FANCD2: variants seen among roughly 807,000 people sequenced by gnomAD.
FANCD2 encodes Fanconi anemia group D2 protein.
Under a neutral mutation model 192.3 loss-of-function variants are expected in FANCD2, and 131 were observed. The observed-to-expected ratio is 0.68, with a 90% CI of 0.59 to 0.79. FANCD2 has a LOEUF of 0.79. FANCD2 is among the 30% of genes least tolerant of loss of function. The pLI, the probability that FANCD2 is intolerant of heterozygous loss-of-function variation, is 0.00. For missense variants in FANCD2, 1,508 were observed against 1,701.6 expected (o/e 0.89, Z 2.00); for synonymous variants, 524 against 612.5 (o/e 0.86, Z 2.13).
chr3:10,065,490 A>G lies in FANCD2; in HGVS notation c.2265A>G (p.Leu755=), dbSNP rs376828609. Residue 755 remains leucine (L), a synonymous_variant, in exon 24 of 44, where the codon CTA becomes CTG. Coordinates refer to ENST00000675286, the MANE Select transcript of FANCD2 (RefSeq NM_001018115.3). ...HNGNLEEIDG[L]LDCPIFLTDL... is the part of the protein sequence containing the mutation. ...GAAACTTGGAGGAGATTGATGGTCT[A>G]CTAGGTATGGGATGAAGTCATCAGA... is the stretch of plus-strand genomic sequence containing the variant. 1.8e-5 allele frequency: 29 copies of G among 1,595,392 alleles called. No homozygotes were observed. The highest frequency in any genetic ancestry group is 2.1e-5 in the Non-Finnish European group (25 of 1,162,960).
At chr3:10,081,703 T>C (rs1693849029) in intron 32 of FANCD2, among the ~76,000 whole-genome samples, 1 of 152,208 alleles carries the variant, frequency 6.6e-6, no homozygotes, top group South Asian at 2.1e-4. Context: ...GATGAGCTGA[T>C]AACAGATGTG....
At chr3:10,071,147 GAAAAAAAA>G (rs796952061) in intron 26 of FANCD2, among the ~76,000 whole-genome samples, 1 of 127,934 alleles carries the variant, frequency 7.8e-6, no homozygotes, top group African/African-American at 2.8e-5. Context: ...AAGAAAAAAA[GAAAAAAAA>G]AAAAAGATGG....
chr3:10,082,105 C>G (rs1054025025), intron 32 of FANCD2, among the ~76,000 whole-genome samples: 8 of 152,236 alleles, frequency 5.3e-5, no homozygotes, highest in African/African-American at 1.9e-4. Context: ...ACCTCACACT[C>G]CACATCCAAA....
At chr3:10,028,594 G>A in intron 1 of FANCD2, 31 bp from the exon 2 acceptor site, 2 of 1,382,302 alleles carry the variant, frequency 1.4e-6, no homozygotes, top group Non-Finnish European at 2.1e-6. Context: ...ATCTTCTAGA[G>A]GGTAACTTCT....
At chr3:10,027,827 C>A (rs2086492025) in intron 1 of FANCD2, among the ~76,000 whole-genome samples, 1 of 148,664 alleles carries the variant, frequency 6.7e-6, no homozygotes, top group East Asian at 2.0e-4. Flanking sequence ...ATGGTGTGAA[C>A]CCGGGAGGTG....
chr3:10,043,380 C>T (rs2086914252), intron 12 of FANCD2, 104 bp from the exon 13 acceptor site: 2 of 927,416 alleles, frequency 2.2e-6, no homozygotes, highest in Non-Finnish European at 3.5e-6. Context: ...CCATCTTATA[C>T]ATGAGGTTGT....
chr3:10,093,260 G>C, intron 38 of FANCD2, 25 bp from the exon 39 acceptor site: 1 of 1,607,116 alleles, frequency 6.2e-7, no homozygotes, highest in Non-Finnish European at 8.5e-7. Flanking sequence ...TCTCAGCCTT[G>C]GTTTCTTGTC....
At chr3:10,048,502 A>G (rs2087098519) in intron 16 of FANCD2, among the ~76,000 whole-genome samples, 1 of 152,134 alleles carries the variant, frequency 6.6e-6, no homozygotes, top group African/African-American at 2.4e-5. Context: ...ACAGCGTTTC[A>G]CCATGTTGGC....
intron 27 of FANCD2, 75 bp from the exon 28 acceptor site, chr3:10,073,178 T>C: frequency 1.6e-6 from 2 of 1,240,474 alleles, no homozygotes; most frequent in South Asian, 2.4e-5. Flanking sequence ...CAACAGGTTG[T>C]TTTCTGAGGG....
intron 15 of FANCD2, 82 bp from the exon 16 acceptor site, chr3:10,047,835 T>G: frequency 6.4e-7 from 1 of 1,565,278 alleles, no homozygotes; most frequent in Non-Finnish European, 8.8e-7. Flanking sequence ...AGTCTGACAT[T>G]CCAAAAGGAT....
intron 42 of FANCD2, among the ~76,000 whole-genome samples, chr3:10,097,735 G>A (rs1467926149): frequency 1.3e-5 from 2 of 152,156 alleles, no homozygotes; most frequent in East Asian, 3.8e-4. Context: ...TTAAAGTAAA[G>A]ACAGGCATAG....
chr3:10,049,675 T>C (rs2087139619), intron 17 of FANCD2, among the ~76,000 whole-genome samples, 170 bp downstream of exon 17: 1 of 152,226 alleles, frequency 6.6e-6, no homozygotes, highest in African/African-American at 2.4e-5. Flanking sequence ...GGCTAATCTC[T>C]ATTCTGGGTG....
In FANCD2 at chr3:10,044,673, G is replaced by C. The variant is rs71314387; in HGVS notation, c.1134+809G>C. ...TTCTTTGGTTGGAATCTGTTTTGTG[G>C]GATTTTTGTTAGTTTTGTTATCCAA... is the stretch of plus-strand genomic sequence containing the variant. On this transcript the variant is annotated intron_variant, in intron 14 of 43. Coordinates refer to ENST00000675286, the MANE Select transcript of FANCD2 (RefSeq NM_001018115.3). Among the ~76,000 whole-genome samples, 693 of 152,070 alleles carry C rather than the reference G, an allele frequency of 4.6e-3. 8 individuals are homozygous for C. The highest frequency in any genetic ancestry group is 2.2e-3 in the Non-Finnish European group (150 of 67,996).
chr3:10,069,879 G>A (rs560175963), intron 26 of FANCD2, among the ~76,000 whole-genome samples: 2,293 of 151,992 alleles, frequency 0.015, 34 homozygotes, highest in Middle Eastern at 0.031. Context: ...CTGCCCGGCC[G>A]CCACCCCGTC....
At chr3:10,065,078 A>C (rs1430673315) in intron 23 of FANCD2, among the ~76,000 whole-genome samples, 1 of 152,058 alleles carries the variant, frequency 6.6e-6, no homozygotes, top group Non-Finnish European at 1.5e-5. Context: ...GAGCCAACAG[A>C]TATTCTGAGA....
intron 42 of FANCD2, 131 bp from the exon 43 acceptor site, chr3:10,098,589 G>A: frequency 9.4e-7 from 1 of 1,063,572 alleles, no homozygotes; most frequent in Non-Finnish European, 1.4e-6. Context: ...TCACAAGTTG[G>A]TATCCATGTT....
rs745855901 is a variant in FANCD2, at chr3:10,036,283, T to A, written c.439-4T>A. ...CTCCTAACTCCCTATGTCTTCTTTT[T>A]TAGCCTGCCATTATCAAAACCTTAT... On this transcript the variant is annotated splice_region_variant and splice_polypyrimidine_tract_variant and intron_variant, in intron 6 of 43. Transcript: ENST00000675286. 6.2e-7 allele frequency: 1 copy of A among 1,610,920 alleles called. No individual in the cohort carries two copies.
At chr3:10,032,476 GA>G (rs2086627471) in intron 2 of FANCD2, 2 of 268,600 alleles carry the variant, frequency 7.4e-6, no homozygotes, top group East Asian at 1.2e-4. Context: ...GAATGGGGGT[GA>G]AGGGGGGGAG....
chr3:10,073,279 A>G lies in FANCD2; in HGVS notation c.2632A>G (p.Lys878Glu), dbSNP rs780018258. ...IERKQKTDGS[K>E]TSSSDTLSEE... is the part of the protein sequence containing the mutation. Reference sequence around the variant, plus strand: ...AAGGAAACAAAAAACAGATGGCAGCAAGACATCCTCCTCTGACACACTTTC... The same window carrying G: ...AAGGAAACAAAAAACAGATGGCAGCGAGACATCCTCCTCTGACACACTTTC... The change falls in exon 28 of 44, where the codon AAG (lysine) becomes GAG (glutamate). Residue 878 changes from lysine (K) to glutamate (E), a missense_variant. Lys to Glu is a moderately conservative substitution (Grantham distance 56, BLOSUM62 1). Around this residue, in one of 5 missense-constraint regions of FANCD2, gnomAD observed 796 missense variants for 879.4 expected, o/e 0.91. Transcript: ENST00000675286. 1 of 1,613,980 alleles carries G rather than the reference A, an allele frequency of 6.2e-7. No homozygotes were observed. The highest frequency in any genetic ancestry group is 2.2e-5 in the East Asian group (1 of 44,880).
Sources: gnomAD v4.1 joint callset for allele counts (sites outside exome capture counted in the v4.1 genomes callset) on GRCh38, gnomAD v4.1.1 for gene constraint, gnomAD v4.1.1 regional missense constraint, MANE v1.5 for transcripts, NCBI Gene and HGNC (gene_info 2026-07-23, HGNC 2026-07-21) for gene names.